The following AVEN variants were observed in gnomAD, a reference collection of about 807,000 sequenced individuals.
The protein encoded by AVEN is cell death regulator Aven.
AVEN carries 41 observed loss-of-function variants against 38.1 expected under a neutral mutation model. That is an observed-to-expected ratio of 1.08 (90% CI 0.84 to 1.40). AVEN has a LOEUF of 1.40. Among genes scored for constraint, AVEN ranks in the 40% most tolerant of loss-of-function variants. AVEN has a pLI of 0.00. For missense variants in AVEN, 605 were observed against 438.8 expected, an observed-to-expected ratio of 1.38 and a Z score of -3.38; for synonymous variants, 206 against 171.8, an observed-to-expected ratio of 1.20 and a Z score of -1.56.
chr15:33,924,077 C>T (rs902471257), intron 2 of AVEN, among the ~76,000 whole-genome samples: 1 of 151,994 alleles, frequency 6.6e-6, no homozygotes, highest in Non-Finnish European at 1.5e-5. Flanking sequence ...ACTATCCCCC[C>T]CTTTTCTGGT....
intron 4 of AVEN, among the ~76,000 whole-genome samples, chr15:33,868,333 C>G (rs998994361): frequency 2.6e-5 from 4 of 151,912 alleles, no homozygotes; most frequent in African/African-American, 9.7e-5. Flanking sequence ...ACCATCCTGG[C>G]TAACATGGTG....
At chr15:33,858,230 GT>G (rs1289358022), downstream of AVEN, 2 of 260,100 alleles carry the variant, frequency 7.7e-6, no homozygotes, top group Non-Finnish European at 1.5e-5. Flanking sequence ...TTGAGATGGA[GT>G]TTTGCTTTTG....
chr15:33,994,688 T>G (rs574530710), intron 2 of AVEN, among the ~76,000 whole-genome samples: 5 of 152,190 alleles, frequency 3.3e-5, no homozygotes, highest in African/African-American at 1.2e-4. Context: ...GTGTGTGAAA[T>G]AGAAATTCAC....
At chr15:33,892,997 A>AGT (rs1278000074) in intron 2 of AVEN, among the ~76,000 whole-genome samples, 1 of 152,070 alleles carries the variant, frequency 6.6e-6, no homozygotes, top group Non-Finnish European at 1.5e-5. Flanking sequence ...TGTGAATGGG[A>AGT]GTTCACTCAT....
chr15:33,972,751 G>A (rs922421303), intron 2 of AVEN, among the ~76,000 whole-genome samples: 2 of 152,164 alleles, frequency 1.3e-5, no homozygotes, highest in African/African-American at 4.8e-5. Flanking sequence ...AAAAGACAAA[G>A]CAGACCAACT....
chr15:34,064,038 G>A, intron 4 of AVEN: 3 of 1,614,140 alleles, frequency 1.9e-6, no homozygotes, highest in Non-Finnish European at 2.5e-6. Context: ...GAGGAAAGCA[G>A]CCCAGACACT....
chr15:34,064,791 CT>C (rs1900468542), intron 4 of AVEN: 1 of 186,204 alleles, frequency 5.4e-6, no homozygotes, highest in Non-Finnish European at 1.3e-5. Flanking sequence ...GTTAACGAGA[CT>C]GATATTCAAC....
intron 5 of AVEN, among the ~76,000 whole-genome samples, chr15:34,058,718 T>C (rs1219039150): frequency 6.6e-6 from 1 of 152,184 alleles, no homozygotes; most frequent in Admixed American, 6.5e-5. Context: ...AGCCAAATTC[T>C]TCTGGTCAGC....
chr15:33,864,907 A>G, downstream of AVEN: 1 of 502,036 alleles, frequency 2.0e-6, no homozygotes, highest in East Asian at 3.1e-5. Flanking sequence ...TGTTTGGGGC[A>G]GAGGGGGATT....
downstream of AVEN, chr15:33,854,618 C>G (rs2079451408): frequency 8.9e-7 from 1 of 1,125,662 alleles, no homozygotes; most frequent in African/African-American, 1.6e-5. Flanking sequence ...AGATGGGGCT[C>G]ACTTAGCAGA....
chr15:33,955,721 AAACAC>A (rs1894928451), intron 2 of AVEN, among the ~76,000 whole-genome samples: 1 of 152,196 alleles, frequency 6.6e-6, no homozygotes, highest in Non-Finnish European at 1.5e-5. Flanking sequence ...TTCCAAAATT[AAACAC>A]TAATAGTTAA....
At chr15:33,864,031 G>A (rs1259371093), downstream of AVEN, 4 of 729,304 alleles carry the variant, frequency 5.5e-6, no homozygotes, top group Non-Finnish European at 9.6e-6. Flanking sequence ...AGTCACTGTA[G>A]ATAGCGTGGG....
intron 2 of AVEN, among the ~76,000 whole-genome samples, chr15:33,902,452 C>T (rs10438378): frequency 0.11 from 16,159 of 152,190 alleles, 1,281 homozygotes; most frequent in African/African-American, 0.21. Context: ...ATAAAGGTCA[C>T]TCATGAAAAA....
intron 2 of AVEN, among the ~76,000 whole-genome samples, chr15:33,935,717 G>A (rs1894035180): frequency 6.6e-6 from 1 of 152,136 alleles, no homozygotes; most frequent in Admixed American, 6.5e-5. Flanking sequence ...GCGGAAAGTA[G>A]AGATTGAGGC....
chr15:33,905,278 T>C (rs1892656089), intron 2 of AVEN, among the ~76,000 whole-genome samples: 1 of 152,144 alleles, frequency 6.6e-6, no homozygotes, highest in Non-Finnish European at 1.5e-5. Context: ...TGTTCACTAC[T>C]TACTTGCTGT....
chr15:33,861,479 G>GC (rs1888187425), downstream of AVEN, among the ~76,000 whole-genome samples: 2 of 86,286 alleles, frequency 2.3e-5, no homozygotes, highest in East Asian at 7.6e-4. Flanking sequence ...ATATAAATAT[G>GC]CTTTTTTTTT....
At chr15:34,028,420 C>A (rs1006664423) in intron 1 of AVEN, among the ~76,000 whole-genome samples, 2 of 152,030 alleles carry the variant, frequency 1.3e-5, no homozygotes, top group Non-Finnish European at 2.9e-5. Context: ...AAAAATTAGC[C>A]AAGCATGGTG....
At position 33,859,589 on chromosome 15, in the gene AVEN, C is replaced by T. The variant is rs748502666; in HGVS notation, n.2730-495G>A. 25 of 1,613,844 alleles carry T rather than the reference C, an allele frequency of 1.5e-5. No individual in the cohort carries two copies. The highest frequency in any genetic ancestry group is 2.1e-5 in the Non-Finnish European group (25 of 1,179,884). ...TTCTTCTCTAGTGTTACCTTTTCCA[C>T]ATGTACGTGGGAGTGAGAGCAGGAG... On this transcript the variant is annotated intron_variant and non_coding_transcript_variant, in intron 11 of 11. Transcript: ENST00000675287.
intron 5 of AVEN, among the ~76,000 whole-genome samples, chr15:34,060,860 G>C (rs763327014): frequency 5.3e-5 from 8 of 151,730 alleles, no homozygotes; most frequent in Non-Finnish European, 8.8e-5. Context: ...ACAAGGGCAA[G>C]ACTCTGTTAG....
Sources: allele counts gnomAD v4.1 joint callset (sites outside exome capture counted in the v4.1 genomes callset), GRCh38; gene constraint gnomAD v4.1.1; transcripts MANE v1.5; gene names NCBI Gene and HGNC (gene_info 2026-07-23, HGNC 2026-07-21).